Variants in TLL1 observed in about 807,000 individuals in gnomAD.
TLL1 encodes the protein tolloid-like protein 1.
In TLL1, 49 loss-of-function variants were observed where a neutral mutation model predicts 128.2. The observed-to-expected ratio is 0.38, with a 90% CI of 0.30 to 0.48. The LOEUF (loss-of-function observed/expected upper bound fraction) is 0.48. TLL1 is among the 20% of genes least tolerant of loss of function. The pLI is 0.96. For missense variants in TLL1, 1,123 were observed against 1,242.0 expected, an observed-to-expected ratio of 0.90 and a Z score of 1.44; for synonymous variants, 454 against 418.8, an observed-to-expected ratio of 1.08 and a Z score of -1.03.
At chr4:165,894,038 G>C (rs1418681711) in intron 1 of TLL1, among the ~76,000 whole-genome samples, 2 of 152,168 alleles carry the variant, frequency 1.3e-5, no homozygotes, top group East Asian at 3.8e-4. Context: ...TTTATCATTA[G>C]ACAAATGGTA....
chr4:165,951,456 CA>C (rs374132321), intron 1 of TLL1, among the ~76,000 whole-genome samples: 5 of 152,242 alleles, frequency 3.3e-5, no homozygotes, highest in African/African-American at 1.2e-4. Context: ...TTGGCCCATG[CA>C]CAGCTAATGC....
chr4:165,925,265 A>G (rs1275166011), intron 1 of TLL1, among the ~76,000 whole-genome samples: 5 of 152,210 alleles, frequency 3.3e-5, no homozygotes, highest in African/African-American at 1.2e-4. Flanking sequence ...AACCTTCTGA[A>G]AAGAATTCAC....
chr4:166,053,979 T>G (rs79496292), intron 12 of TLL1, among the ~76,000 whole-genome samples: 10,587 of 150,896 alleles, frequency 0.07, 528 homozygotes, highest in African/African-American at 0.14. Flanking sequence ...ATAAATTTTG[T>G]TTTTTTTTGT....
At chr4:165,994,625 A>T (rs1736785555) in intron 4 of TLL1, 92 bp downstream of exon 4, 1 of 1,460,620 alleles carries the variant, frequency 6.8e-7, no homozygotes, top group Admixed American at 1.8e-5. Flanking sequence ...AACATAAGAT[A>T]CATAGTATTA....
intron 10 of TLL1, among the ~76,000 whole-genome samples, chr4:166,041,297 T>C (rs529186881): frequency 1.9e-4 from 25 of 131,774 alleles, no homozygotes; most frequent in African/African-American, 6.5e-4. Flanking sequence ...TCTTTCTTTC[T>C]TTCTTTCTTT....
chr4:165,914,308 TACTC>T (rs1732682165), intron 1 of TLL1, among the ~76,000 whole-genome samples: 1 of 152,202 alleles, frequency 6.6e-6, no homozygotes, highest in Admixed American at 6.5e-5. Context: ...GTCTTGAACT[TACTC>T]ATGCTATTTT....
At chr4:166,030,840 G>GT (rs1443536312) in intron 9 of TLL1, 4 of 1,004,100 alleles carry the variant, frequency 4.0e-6, no homozygotes, top group Non-Finnish European at 3.6e-6. Flanking sequence ...TTAAATTAGC[G>GT]TTTTTGTTTT....
chr4:166,042,171 G>T (rs1196129259), intron 11 of TLL1, 28 bp downstream of exon 11: 1 of 1,387,834 alleles, frequency 7.2e-7, no homozygotes, highest in Admixed American at 1.7e-5. Context: ...TTAGAGAGTA[G>T]TTCATCTTAT....
intron 20 of TLL1, 97 bp downstream of exon 20, chr4:166,099,624 TGCA>T: frequency 7.4e-7 from 1 of 1,352,954 alleles, no homozygotes. Flanking sequence ...CAATGCTTTT[TGCA>T]AAAAAAAAAA....
intron 1 of TLL1, among the ~76,000 whole-genome samples, chr4:165,954,145 A>G (rs893269178): frequency 2.0e-5 from 3 of 152,138 alleles, no homozygotes; most frequent in Non-Finnish European, 4.4e-5. Context: ...AACTGGCTGG[A>G]TATCAGAATA....
chr4:166,085,109 G>T (rs1203074053), intron 18 of TLL1, among the ~76,000 whole-genome samples: 1 of 151,798 alleles, frequency 6.6e-6, no homozygotes, highest in Non-Finnish European at 1.5e-5. Flanking sequence ...GAATGCTACT[G>T]ATTTTTGCCT....
chr4:165,950,009 C>CAATTGTATG (rs1489787723), intron 1 of TLL1, among the ~76,000 whole-genome samples: 1 of 151,998 alleles, frequency 6.6e-6, no homozygotes, highest in African/African-American at 2.4e-5. Flanking sequence ...AAGAAAGGCC[C>CAATTGTATG]AATTGTATGC....
chr4:165,902,309 A>C (rs143519462), intron 1 of TLL1, among the ~76,000 whole-genome samples: 2,104 of 152,206 alleles, frequency 0.014, 47 homozygotes, highest in African/African-American at 0.047. Context: ...AAACAAAAAA[A>C]CAAAAAAACA....
At chr4:165,991,212 A>G (rs1262841014) in intron 2 of TLL1, among the ~76,000 whole-genome samples, 1 of 151,996 alleles carries the variant, frequency 6.6e-6, no homozygotes, top group East Asian at 1.9e-4. Context: ...AAACTCTGAG[A>G]CCATAATAAT....
intron 12 of TLL1, among the ~76,000 whole-genome samples, chr4:166,046,352 C>T (rs17505781): frequency 0.27 from 41,526 of 151,924 alleles, 5,937 homozygotes; most frequent in South Asian, 0.31. Context: ...AGACTAGAGA[C>T]GCTGAGTTTC....
chr4:166,024,931 C>A (rs1190764834), intron 8 of TLL1, among the ~76,000 whole-genome samples: 6 of 151,984 alleles, frequency 3.9e-5, no homozygotes, highest in South Asian at 2.1e-4. Context: ...CAATTTAAAT[C>A]AAAAATATTA....
rs114323334 is a variant in TLL1, at chr4:165,905,126, T to C, written c.169+31053T>C. 6.1e-3 allele frequency among the ~76,000 whole-genome samples: 924 copies of C among 152,286 alleles called. 6 individuals carry two copies. The highest frequency in any genetic ancestry group is 0.02 in the African/African-American group (826 of 41,564). ...ACAATACTGTGGGAGTGTAAAGCAA[T>C]ACAATTTTGGAAGACTATTTGGCAA... On this transcript the variant is annotated intron_variant, in intron 1 of 20. Coordinates refer to ENST00000061240, the MANE Select transcript of TLL1 (RefSeq NM_012464.5).
At chr4:166,028,476 CT>C (rs1738609480) in intron 9 of TLL1, among the ~76,000 whole-genome samples, 1 of 151,912 alleles carries the variant, frequency 6.6e-6, no homozygotes. Context: ...CTAATCTTTG[CT>C]TTAAAAATAT....
intron 18 of TLL1, among the ~76,000 whole-genome samples, chr4:166,079,368 A>G (rs1175394842): frequency 6.6e-6 from 1 of 152,166 alleles, no homozygotes; most frequent in Non-Finnish European, 1.5e-5. Flanking sequence ...TATTTTGTAT[A>G]AAGTATGTGC....
Sources: gnomAD v4.1 joint callset for allele counts (sites outside exome capture counted in the v4.1 genomes callset) on GRCh38, gnomAD v4.1.1 for gene constraint, MANE v1.5 for transcripts, NCBI Gene and HGNC (gene_info 2026-07-23, HGNC 2026-07-21) for gene names.